CCDC102B: variants seen among roughly 807,000 people sequenced by gnomAD.
CCDC102B encodes the protein coiled-coil domain containing 102B.
Under a neutral mutation model 57.4 loss-of-function variants are expected in CCDC102B, and 75 were observed. That is an observed-to-expected ratio of 1.31 (90% CI 1.08 to 1.58). The LOEUF (loss-of-function observed/expected upper bound fraction) is 1.58, where lower values mean the gene tolerates loss of function less well. CCDC102B is among the 40% of genes most tolerant of loss of function. The pLI is 0.00. For missense variants in CCDC102B, 636 were observed against 582.6 expected (o/e 1.09, Z -0.94); for synonymous variants, 206 against 201.9 (o/e 1.02, Z -0.17).
chr18:68,787,290 T>A (rs1169087789), intron 2 of CCDC102B, among the ~76,000 whole-genome samples: 4 of 151,692 alleles, frequency 2.6e-5, no homozygotes, highest in Non-Finnish European at 4.4e-5. Flanking sequence ...TAAAATTCTC[T>A]TTTTTGGTTG....
At chr18:68,760,591 A>G (rs1208861375) in intron 2 of CCDC102B, among the ~76,000 whole-genome samples, 1 of 152,118 alleles carries the variant, frequency 6.6e-6, no homozygotes, top group East Asian at 1.9e-4. Context: ...ACAGTAAGGT[A>G]TAAGAACCAG....
intron 2 of CCDC102B, among the ~76,000 whole-genome samples, chr18:68,736,281 A>C (rs1199038507): frequency 1.3e-5 from 2 of 152,160 alleles, no homozygotes; most frequent in African/African-American, 2.4e-5. Flanking sequence ...ATCCTAACCA[A>C]ATTTTAAAAT....
At chr18:69,035,261 G>A (rs1039653413) in intron 7 of CCDC102B, among the ~76,000 whole-genome samples, 9 of 151,850 alleles carry the variant, frequency 5.9e-5, no homozygotes, top group Non-Finnish European at 1.3e-4. Flanking sequence ...TTTAACAATC[G>A]TCCAGTAGGC....
At chr18:68,784,745 G>A (rs1336950327) in intron 2 of CCDC102B, among the ~76,000 whole-genome samples, 1 of 152,026 alleles carries the variant, frequency 6.6e-6, no homozygotes, top group Non-Finnish European at 1.5e-5. Context: ...CAACATGTTA[G>A]GATCAAGAAC....
intron 6 of CCDC102B, among the ~76,000 whole-genome samples, chr18:68,945,272 ACACT>A (rs1256588839): frequency 2.0e-5 from 3 of 152,146 alleles, no homozygotes; most frequent in East Asian, 1.9e-4. Flanking sequence ...TAATGAAAAG[ACACT>A]CAGTAACTAC....
At chr18:68,802,004 T>C (rs1409928952) in intron 1 of CCDC102B, among the ~76,000 whole-genome samples, 1 of 152,154 alleles carries the variant, frequency 6.6e-6, no homozygotes, top group Non-Finnish European at 1.5e-5. Context: ...AGAAAATGTA[T>C]TTCACAATAA....
At chr18:68,789,597 T>A (rs1448103151) in intron 2 of CCDC102B, among the ~76,000 whole-genome samples, 1 of 149,568 alleles carries the variant, frequency 6.7e-6, no homozygotes, top group Non-Finnish European at 1.5e-5. Flanking sequence ...CCATCGCTGA[T>A]ACCCTTTCTT....
chr18:68,763,030 G>A (rs1397679612), intron 2 of CCDC102B, among the ~76,000 whole-genome samples: 4 of 151,954 alleles, frequency 2.6e-5, no homozygotes, highest in African/African-American at 9.7e-5. Flanking sequence ...GATTTATATA[G>A]CATTATTTCT....
chr18:68,874,436 A>C (rs2039363108), intron 4 of CCDC102B, among the ~76,000 whole-genome samples: 1 of 150,078 alleles, frequency 6.7e-6, no homozygotes, highest in Non-Finnish European at 1.5e-5. Context: ...TCAACTGATA[A>C]ATTGGGATTT....
chr18:68,824,205 T>C (rs2036813487), intron 1 of CCDC102B, among the ~76,000 whole-genome samples: 1 of 152,222 alleles, frequency 6.6e-6, no homozygotes, highest in South Asian at 2.1e-4. Context: ...TTTAAACCTT[T>C]AATCCATCTT....
chr18:68,760,706 C>T (rs1336809856), intron 2 of CCDC102B, among the ~76,000 whole-genome samples: 1 of 151,966 alleles, frequency 6.6e-6, no homozygotes, highest in Non-Finnish European at 1.5e-5. Flanking sequence ...CTTTTAGTAT[C>T]GTAACAGGGT....
chr18:68,863,090 A>T (rs1393923536), intron 4 of CCDC102B, among the ~76,000 whole-genome samples: 1 of 151,820 alleles, frequency 6.6e-6, no homozygotes, highest in Admixed American at 6.6e-5. Flanking sequence ...TTTACTAAGA[A>T]ATACGATTTT....
At chr18:68,724,624 C>A (rs567838282) in intron 2 of CCDC102B, among the ~76,000 whole-genome samples, 11 of 152,216 alleles carry the variant, frequency 7.2e-5, no homozygotes, top group African/African-American at 2.7e-4. Context: ...CCATCTGAGA[C>A]CACCTCAGCC....
At chr18:69,042,563 A>G (rs2052459377) in intron 7 of CCDC102B, among the ~76,000 whole-genome samples, 1 of 152,044 alleles carries the variant, frequency 6.6e-6, no homozygotes, top group Non-Finnish European at 1.5e-5. Flanking sequence ...AAGAAATTAT[A>G]TTATCTTAAT....
At chr18:68,751,913 T>A (rs1446809634) in intron 2 of CCDC102B, among the ~76,000 whole-genome samples, 1 of 151,718 alleles carries the variant, frequency 6.6e-6, no homozygotes, top group African/African-American at 2.4e-5. Context: ...TGCATAACAG[T>A]GAAAGTACAG....
intron 6 of CCDC102B, among the ~76,000 whole-genome samples, chr18:68,952,673 G>T (rs980817039): frequency 6.6e-6 from 1 of 152,020 alleles, no homozygotes; most frequent in Non-Finnish European, 1.5e-5. Flanking sequence ...AGTGAAGGGC[G>T]ATATTAATCA....
At chr18:68,828,886 T>C (rs992731432) in intron 1 of CCDC102B, among the ~76,000 whole-genome samples, 16 of 152,020 alleles carry the variant, frequency 1.1e-4, no homozygotes, top group South Asian at 2.1e-4. Flanking sequence ...AAAATATTGC[T>C]TGACTTGATC....
At chr18:69,041,546 C>A (rs912319527) in intron 7 of CCDC102B, among the ~76,000 whole-genome samples, 2 of 152,002 alleles carry the variant, frequency 1.3e-5, no homozygotes, top group Non-Finnish European at 2.9e-5. Flanking sequence ...GGTTTAATGC[C>A]CAAAGCCCTT....
chr18:68,911,730 C>T lies in CCDC102B; in HGVS notation c.1263+14302C>T, dbSNP rs373787482. ...TCGCGCCACTGCACTCCAGCCTGGG[C>T]GACAGAGCGAGACTCCGTCTCAAAA... is the stretch of plus-strand genomic sequence containing the variant. On this transcript the variant is annotated intron_variant, in intron 6 of 7. Transcript: ENST00000360242. Among the ~76,000 whole-genome samples the T allele has an allele frequency of 9.9e-4, 95 of 96,240 alleles. 1 individual carries two copies. The highest frequency in any genetic ancestry group is 1.8e-3 in the South Asian group (5 of 2,768). The allele number at this position is 96,240 out of a possible 152,430, so 63.1% of individuals were successfully genotyped here.
Sources: allele counts gnomAD v4.1 joint callset (sites outside exome capture counted in the v4.1 genomes callset), GRCh38; gene constraint gnomAD v4.1.1; transcripts MANE v1.5; gene names NCBI Gene and HGNC (gene_info 2026-07-23, HGNC 2026-07-21).